RBFOX1: variants seen among roughly 807,000 people sequenced by gnomAD.
RBFOX1 encodes RNA binding fox-1 homolog 1.
RBFOX1 carries 8 observed loss-of-function variants against 57.7 expected under a neutral mutation model. That is an observed-to-expected ratio of 0.14 (90% CI 0.08 to 0.25). The LOEUF (loss-of-function observed/expected upper bound fraction) is 0.25. Ranked by LOEUF, RBFOX1 falls within the 10% of genes least tolerant of loss-of-function variation. The pLI, the probability that RBFOX1 is intolerant of heterozygous loss-of-function variation, is 1.00. For synonymous variants in RBFOX1, 326 were observed against 222.4 expected (o/e 1.47, Z -4.15); for missense variants, 611 against 548.5 (o/e 1.11, Z -1.14).
At chr16:5,657,850 G>T (rs1274245979) in intron 3 of RBFOX1, among the ~76,000 whole-genome samples, 2 of 148,284 alleles carry the variant, frequency 1.3e-5, no homozygotes, top group Admixed American at 1.4e-4. Flanking sequence ...TGTTGCTTCA[G>T]ACCCCCAGGT....
chr16:7,708,176 C>G (rs1266056282), intron 14 of RBFOX1, among the ~76,000 whole-genome samples: 1 of 152,044 alleles, frequency 6.6e-6, no homozygotes, highest in East Asian at 1.9e-4. Flanking sequence ...TTGTCTCCCC[C>G]CTCATAAAAA....
chr16:5,597,778 A>G (rs528995811), intron 2 of RBFOX1, among the ~76,000 whole-genome samples: 22 of 152,220 alleles, frequency 1.4e-4, no homozygotes, highest in African/African-American at 5.1e-4. Context: ...TACCTCGTGG[A>G]AAGGTGGACG....
intron 4 of RBFOX1, among the ~76,000 whole-genome samples, chr16:7,463,474 A>G (rs1164386775): frequency 6.6e-6 from 1 of 152,216 alleles, no homozygotes; most frequent in African/African-American, 2.4e-5. Flanking sequence ...ACTGCGTTGC[A>G]GCCTGGGCGA....
chr16:7,352,573 G>A (rs1370845897), intron 4 of RBFOX1, among the ~76,000 whole-genome samples: 1 of 152,222 alleles, frequency 6.6e-6, no homozygotes, highest in African/African-American at 2.4e-5. Context: ...CATTCTCCAG[G>A]AAGAGTCATC....
At chr16:6,338,345 T>A (rs572046766) in intron 2 of RBFOX1, among the ~76,000 whole-genome samples, 1 of 152,328 alleles carries the variant, frequency 6.6e-6, no homozygotes, top group African/African-American at 2.4e-5. Context: ...TTGCCAATGT[T>A]GAAGTTTGTT....
intron 2 of RBFOX1, among the ~76,000 whole-genome samples, chr16:5,557,962 G>GGTTGGTAACTTATTTTCTTAAGTTTC: frequency 6.6e-6 from 1 of 152,194 alleles, no homozygotes; most frequent in East Asian, 1.9e-4. Context: ...GAGTAAGCAT[G>GGTTGGTAACTTATTTTCTTAAGTTTC]TCTGGATGCC....
chr16:7,661,838 G>T lies in RBFOX1; in HGVS notation c.891-3091G>T, dbSNP rs115576502. 1.6e-3 allele frequency among the ~76,000 whole-genome samples: 242 copies of T among 152,304 alleles called. 1 individual carries two copies. The highest frequency in any genetic ancestry group is 5.5e-3 in the African/African-American group (230 of 41,566). On this transcript the variant is annotated intron_variant, in intron 12 of 15. Transcript: ENST00000550418. ...AGTGTTTCATCAATGTAGGATGTCA[G>T]CAACACCCAAGTAACTTTCCATAGC...
intron 3 of RBFOX1, among the ~76,000 whole-genome samples, chr16:6,656,021 T>A (rs2098648571): frequency 6.6e-6 from 1 of 152,152 alleles, no homozygotes; most frequent in South Asian, 2.1e-4. Flanking sequence ...CAGCTTGCAG[T>A]TTTGTGTTGC....
intron 1 of RBFOX1, among the ~76,000 whole-genome samples, chr16:6,309,119 T>C (rs1353113192): frequency 6.6e-6 from 1 of 152,132 alleles, no homozygotes; most frequent in Non-Finnish European, 1.5e-5. Flanking sequence ...CTGTTTTGAA[T>C]TCAATGGCCT....
At chr16:7,615,497 G>A (rs778736588) in intron 10 of RBFOX1, among the ~76,000 whole-genome samples, 2 of 152,188 alleles carry the variant, frequency 1.3e-5, no homozygotes, top group South Asian at 4.1e-4. Context: ...TAGATCCAGT[G>A]AAGTTATGAT....
Position 6,580,908 on chromosome 16 carries a change from CTTT to C in RBFOX1, c.-63-73681_-63-73679del, listed in dbSNP as rs5815330. On this transcript the variant is annotated intron_variant, in intron 2 of 15. Coordinates refer to ENST00000550418, the MANE Select transcript of RBFOX1 (RefSeq NM_018723.4). ...ACCCTGCATATCTCATTTGGGCTTG[CTTT>C]TTTTTTTTTTTTTGCCCTTTTTTTC... Among the ~76,000 whole-genome samples, 551 of 142,502 alleles carry C rather than the reference CTTT, an allele frequency of 3.9e-3. 1 individual carries two copies. Among genetic ancestry groups the C allele is most frequent in the African/African-American group, 0.012 (458 of 39,652 alleles). 93.5% of individuals were successfully genotyped at this position (142,502 alleles called of 152,430 possible).
chr16:7,062,344 GAA>G (rs2054621953), intron 4 of RBFOX1, among the ~76,000 whole-genome samples: 16 of 133,000 alleles, frequency 1.2e-4, no homozygotes, highest in African/African-American at 3.7e-4. Context: ...AAAAAGAAAA[GAA>G]AAAAGGAAAA....
chr16:5,854,170 T>G (rs1000496297), intron 3 of RBFOX1, among the ~76,000 whole-genome samples: 1 of 152,246 alleles, frequency 6.6e-6, no homozygotes, highest in Admixed American at 6.5e-5. Context: ...CACATAGTTA[T>G]GATTTGAGTG....
At chr16:6,941,079 G>A (rs910027779) in intron 3 of RBFOX1, among the ~76,000 whole-genome samples, 8 of 152,100 alleles carry the variant, frequency 5.3e-5, no homozygotes, top group South Asian at 2.1e-4. Flanking sequence ...GAGAAATGGA[G>A]GTGGGTAGTT....
chr16:6,653,274 C>G (rs373294733), intron 2 of RBFOX1, among the ~76,000 whole-genome samples: 16 of 151,920 alleles, frequency 1.1e-4, no homozygotes, highest in African/African-American at 3.9e-4. Context: ...AGTACATATT[C>G]TTTCTGGAAT....
intron 1 of RBFOX1, among the ~76,000 whole-genome samples, chr16:6,234,773 C>A (rs2097492115): frequency 6.6e-6 from 1 of 151,962 alleles, no homozygotes; most frequent in Non-Finnish European, 1.5e-5. Flanking sequence ...TTACATGGAT[C>A]TATACATACA....
chr16:6,129,552 C>A (rs1267213242), intron 1 of RBFOX1, among the ~76,000 whole-genome samples: 1 of 151,644 alleles, frequency 6.6e-6, no homozygotes, highest in Non-Finnish European at 1.5e-5. Context: ...TCTGATATAT[C>A]TGTGATTGAA....
intron 1 of RBFOX1, among the ~76,000 whole-genome samples, chr16:5,453,450 G>T (rs2068488953): frequency 6.6e-6 from 1 of 152,124 alleles, no homozygotes; most frequent in Non-Finnish European, 1.5e-5. Flanking sequence ...AAGGATAGAG[G>T]ATAGGACACC....
At chr16:5,694,497 T>C (rs2050789817) in intron 3 of RBFOX1, among the ~76,000 whole-genome samples, 1 of 152,120 alleles carries the variant, frequency 6.6e-6, no homozygotes, top group Non-Finnish European at 1.5e-5. Flanking sequence ...CTGGGGTGAT[T>C]TGGAGGACCA....
Sources: allele counts gnomAD v4.1 joint callset (sites outside exome capture counted in the v4.1 genomes callset), GRCh38; gene constraint gnomAD v4.1.1; transcripts MANE v1.5; gene names NCBI Gene and HGNC (gene_info 2026-07-23, HGNC 2026-07-21).